MAPKAPK3: variants seen among roughly 807,000 people sequenced by gnomAD.
MAPKAPK3 encodes MAPK activated protein kinase 3, also known as MAP kinase-activated protein kinase 3.
MAPKAPK3 carries 35 observed loss-of-function variants against 49.2 expected under a neutral mutation model. That is an observed-to-expected ratio of 0.71 (90% CI 0.54 to 0.94). The LOEUF (loss-of-function observed/expected upper bound fraction) is 0.94, where lower values mean the gene tolerates loss of function less well. Among genes scored for constraint, MAPKAPK3 ranks in the 40% least tolerant of loss-of-function variants. The pLI, the probability that MAPKAPK3 is intolerant of heterozygous loss-of-function variation, is 0.00. For synonymous variants in MAPKAPK3, 178 were observed against 188.7 expected, an observed-to-expected ratio of 0.94 and a Z score of 0.46; for missense variants, 398 against 493.1, an observed-to-expected ratio of 0.81 and a Z score of 1.83.
chr3:50,644,683 G>C, intron 6 of MAPKAPK3, 151 bp downstream of exon 6: 1 of 766,998 alleles, frequency 1.3e-6, no homozygotes, highest in Non-Finnish European at 2.0e-6. Context: ...TGACGTGGGG[G>C]GCCGGAGGCT....
intron 5 of MAPKAPK3, among the ~76,000 whole-genome samples, chr3:50,643,850 T>TA (rs1159822239): frequency 4.6e-5 from 7 of 152,102 alleles, no homozygotes; most frequent in Non-Finnish European, 5.9e-5. Context: ...TACCATTCAT[T>TA]AAAAACCAGT....
intron 4 of MAPKAPK3, 139 bp downstream of exon 4, chr3:50,641,910 C>A: frequency 1.3e-6 from 1 of 798,886 alleles, no homozygotes; most frequent in East Asian, 2.6e-5. Flanking sequence ...AGTGTCCATC[C>A]CCACAAGGGA....
At position 50,624,743 on chromosome 3, in the gene MAPKAPK3, G is replaced by A. The variant is rs192260385; in HGVS notation, c.219+6959G>A. Among the ~76,000 whole-genome samples the A allele has an allele frequency of 4.6e-5, 7 of 152,224 alleles. No individual in the cohort carries two copies. In the East Asian group the frequency reaches 5.8e-4, roughly 13 times the overall value. On this transcript the variant is annotated intron_variant, in intron 2 of 10. Transcript: ENST00000621469. ...TTGGAACATCTGGCTCTGTAAGCCC[G>A]CAACCTCCCTTGGCTCCAGGCTGCC...
intron 2 of MAPKAPK3, among the ~76,000 whole-genome samples, chr3:50,631,100 T>A (rs763543998): frequency 6.6e-6 from 1 of 152,014 alleles, no homozygotes; most frequent in Non-Finnish European, 1.5e-5. Flanking sequence ...CAGGATGTGG[T>A]TGGAACTTAA....
chr3:50,644,500 T>G lies in MAPKAPK3; in HGVS notation c.596T>G (p.Leu199Arg). ...GFAKETTQNA[L>R]QTPCYTPYYV... ...GCTAAGGAGACCACCCAAAATGCCC[T>G]GCAGACACCCTGCTATACTCCCTAT... Residue 199 changes from leucine to arginine, a missense_variant, in exon 6 of 11, where the codon CTG becomes CGG. Leu to Arg is a moderately radical substitution (Grantham distance 102). Coordinates refer to ENST00000621469, the MANE Select transcript of MAPKAPK3 (RefSeq NM_001243925.2). 1.2e-6 allele frequency: 2 copies of G among 1,614,230 alleles called. No individual in the cohort carries two copies. The highest frequency in any genetic ancestry group is 1.7e-6 in the Non-Finnish European group (2 of 1,180,046).
intron 3 of MAPKAPK3, among the ~76,000 whole-genome samples, chr3:50,641,256 G>T (rs1408609302): frequency 1.3e-5 from 2 of 152,220 alleles, no homozygotes; most frequent in African/African-American, 2.4e-5. Context: ...GAGGCACAGA[G>T]AGGTGAAAGA....
chr3:50,635,867 G>C (rs2033024388), intron 2 of MAPKAPK3, among the ~76,000 whole-genome samples: 1 of 139,114 alleles, frequency 7.2e-6, no homozygotes, highest in African/African-American at 2.8e-5. Flanking sequence ...AGGATCACTT[G>C]AGCCTAGGAT....
At chr3:50,617,381 G>T (rs1324802161) in intron 1 of MAPKAPK3, 133 bp from the exon 2 acceptor site, 2 of 551,952 alleles carry the variant, frequency 3.6e-6, no homozygotes, top group Non-Finnish European at 6.5e-6. Flanking sequence ...CTTGCTGCAC[G>T]TCTGTACTCT....
At chr3:50,611,567 G>A, upstream of MAPKAPK3, 1 of 1,524,968 alleles carries the variant, frequency 6.6e-7, no homozygotes, top group African/African-American at 1.4e-5. Context: ...CAGCTAGCAC[G>A]AAGCCCCTGT....
At chr3:50,625,671 G>A (rs887965846) in intron 2 of MAPKAPK3, among the ~76,000 whole-genome samples, 1 of 152,134 alleles carries the variant, frequency 6.6e-6, no homozygotes, top group African/African-American at 2.4e-5. Context: ...TGGCACTAGC[G>A]ATCTTTCTGT....
Position 50,630,037 on chromosome 3 carries a change from C to T in MAPKAPK3, c.220-10329C>T, listed in dbSNP as rs186132852. ...CCCAGCCTGTCAAGCTGCCACCCTG[C>T]CCCCCATCAGGTGTCCTGGCCTTGG... On this transcript the variant is annotated intron_variant, in intron 2 of 10. Coordinates refer to ENST00000621469, the MANE Select transcript of MAPKAPK3 (RefSeq NM_001243925.2). 1.1e-4 allele frequency among the ~76,000 whole-genome samples: 17 copies of T among 152,324 alleles called. No individual in the cohort carries two copies. The East Asian group carries it at 2.7e-3, about 24-fold the overall frequency.
chr3:50,643,850 TAA>T (rs1159822239), intron 5 of MAPKAPK3, among the ~76,000 whole-genome samples: 2 of 151,984 alleles, frequency 1.3e-5, no homozygotes, highest in Non-Finnish European at 2.9e-5. Context: ...TACCATTCAT[TAA>T]AAACCAGTTT....
At chr3:50,647,331 A>C (rs761574924) in intron 10 of MAPKAPK3, 128 bp downstream of exon 10, 24 of 717,864 alleles carry the variant, frequency 3.3e-5, no homozygotes, top group Non-Finnish European at 5.0e-5. Flanking sequence ...GGTGTCAGTG[A>C]CTGTCGCAGT....
chr3:50,639,370 CT>C (rs1336282812), intron 2 of MAPKAPK3, among the ~76,000 whole-genome samples: 2 of 152,174 alleles, frequency 1.3e-5, no homozygotes, highest in Non-Finnish European at 2.9e-5. Context: ...TACCGGTGAT[CT>C]GTAAGCATGG....
At position 50,625,669 on chromosome 3, in the gene MAPKAPK3, G is replaced by A. The variant is rs1391266227; in HGVS notation, c.219+7885G>A. 3.3e-5 allele frequency among the ~76,000 whole-genome samples: 5 copies of A among 152,268 alleles called. No individual in the cohort carries two copies. The East Asian group carries it at 9.7e-4, about 29-fold the overall frequency. On this transcript the variant is annotated intron_variant, in intron 2 of 10. Transcript: ENST00000621469. ...TTGCTGCCTTCTCCTCATGGCACTA[G>A]CGATCTTTCTGTCCTCTGCCTCCTC...
At chr3:50,641,888 A>T in intron 4 of MAPKAPK3, 117 bp downstream of exon 4, 1 of 907,918 alleles carries the variant, frequency 1.1e-6, no homozygotes, top group Non-Finnish European at 1.8e-6. Flanking sequence ...TGAATAAGAA[A>T]GGGTGAGACT....
rs757096737 is a variant in MAPKAPK3 at position 50,645,728 on chromosome 3, C to T, written c.647C>T (p.Pro216Leu). 2 of 1,614,126 alleles carry T rather than the reference C, an allele frequency of 1.2e-6. No homozygotes were observed. The highest frequency in any genetic ancestry group is 4.5e-5 in the East Asian group (2 of 44,876). The change falls in exon 7 of 11, where the codon CCA becomes CTA. Residue 216 changes from proline (P) to leucine (L), a missense_variant. Around this residue, in one of 5 missense-constraint regions of MAPKAPK3, gnomAD observed 30 missense variants for 70.5 expected, o/e 0.43. Coordinates refer to ENST00000621469, the MANE Select transcript of MAPKAPK3 (RefSeq NM_001243925.2). ...PYYVAPEVLG[P>L]EKYDKSCDMW... ...CTGGCAGCCCCTGAGGTCCTGGGTC[C>T]AGAGAAGTATGACAAGTCATGTGAC...
chr3:50,637,934 G>A (rs1157391896), intron 2 of MAPKAPK3, among the ~76,000 whole-genome samples: 1 of 152,186 alleles, frequency 6.6e-6, no homozygotes, highest in Non-Finnish European at 1.5e-5. Flanking sequence ...TTGGCCCAGA[G>A]GTGGCAGGAA....
Position 50,617,803 on chromosome 3 carries a change from AGG to A in MAPKAPK3, c.219+20_219+21del. 1 of 1,599,118 alleles carries A rather than the reference AGG, an allele frequency of 6.3e-7. No homozygotes were observed. Among genetic ancestry groups the A allele is most frequent in the Non-Finnish European group, 8.6e-7 (1 of 1,167,566 alleles). ...CCTGAAGGTCAGTGAGCCCTCACTG[AGG>A]CCTGGGGTATCCTGGAGGGTCCACA... On this transcript the variant is annotated intron_variant, in intron 2 of 10. Coordinates refer to ENST00000621469, the MANE Select transcript of MAPKAPK3 (RefSeq NM_001243925.2).
Sources: allele counts gnomAD v4.1 joint callset (sites outside exome capture counted in the v4.1 genomes callset), GRCh38; gene constraint gnomAD v4.1.1; regional missense constraint gnomAD v4.1.1; transcripts MANE v1.5; gene names NCBI Gene and HGNC (gene_info 2026-07-23, HGNC 2026-07-21).